DDR1: variants seen among roughly 807,000 people sequenced by gnomAD.
DDR1 encodes the protein epithelial discoidin domain-containing receptor 1.
DDR1 carries 64 observed loss-of-function variants against 97.4 expected under a neutral mutation model. The observed-to-expected ratio is 0.66, with a 90% CI of 0.54 to 0.81. The LOEUF (loss-of-function observed/expected upper bound fraction) is 0.81, where lower values mean the gene tolerates loss of function less well. DDR1 is among the 30% of genes least tolerant of loss of function. The pLI is 0.00. For missense variants in DDR1, 990 were observed against 1,259.6 expected (o/e 0.79, Z 3.24); for synonymous variants, 458 against 503.7 (o/e 0.91, Z 1.21).
At position 30,897,484 on chromosome 6, in the gene DDR1, T is replaced by C; in HGVS notation, c.2103T>C (p.Thr701=). 6.2e-7 allele frequency: 1 copy of C among 1,614,132 alleles called. No individual in the cohort carries two copies. ...AGGACGACCCCCTCTGCATGATTAC[T>C]GACTACATGGAGAACGGCGACCTCA... is the stretch of plus-strand genomic sequence containing the variant. The part of the protein sequence containing the change: ...CVQDDPLCMI[T]DYMENGDLNQ... The change falls in exon 15 of 18, where the codon ACT becomes ACC. Residue 701 remains threonine, a synonymous_variant. Transcript: ENST00000376568. The surrounding 1 kb of genome is among the most constrained non-coding windows in gnomAD (Gnocchi z 5.2).
rs1787754837 is a variant in DDR1 at position 30,890,675 on chromosome 6, C to T, written c.418-298C>T. ...CAGGGCTGTGAGGATTGGGGAGAAT[C>T]TGGGCACAATGGGATGATAGGCTTG... is the stretch of plus-strand genomic sequence containing the variant. On this transcript the variant is annotated intron_variant, in intron 4 of 17. Coordinates refer to ENST00000376568, the MANE Select transcript of DDR1 (RefSeq NM_001297654.2). This position sits in a 1 kb window ranked among gnomAD's most constrained non-coding sequence, Gnocchi z 5.0. 1 of 384,296 alleles carries T rather than the reference C, an allele frequency of 2.6e-6. No individual in the cohort carries two copies. Among genetic ancestry groups the T allele is most frequent in the Non-Finnish European group, 4.6e-6 (1 of 217,716 alleles). The allele number at this position is 384,296 out of a possible 1,614,324, so 23.8% of individuals were successfully genotyped here.
chr6:30,895,607 A>C (rs572186434), intron 12 of DDR1, 93 bp downstream of exon 12: 1 of 772,680 alleles, frequency 1.3e-6, no homozygotes, highest in Non-Finnish European at 2.1e-6. Context: ...TCCTCTCCCC[A>C]CTGTGGCCTA....
Position 30,897,174 on chromosome 6 carries a change from A to T in DDR1, c.1997+33A>T, listed in dbSNP as rs761563684. ...CCAGGGATGGCATCTGGAAGAAGGG[A>T]GGGGAGGCCGTGAAGAGTGGGGAGC... On this transcript the variant is annotated intron_variant, in intron 14 of 17. Coordinates refer to ENST00000376568, the MANE Select transcript of DDR1 (RefSeq NM_001297654.2). This position sits in a 1 kb window ranked among gnomAD's most constrained non-coding sequence, Gnocchi z 5.2. The T allele has an allele frequency of 1.9e-6, 3 of 1,610,180 alleles. No individual in the cohort carries two copies. In the South Asian group the frequency reaches 3.3e-5, roughly 18 times the overall value.
chr6:30,899,932 G>A lies in DDR1; in HGVS notation c.*636G>A, dbSNP rs1425443335. ...AACTTCTCTAAGCCTATACGTTTCT[G>A]TGGAGTAAATATTGGGATTGGGGGG... is the stretch of plus-strand genomic sequence containing the variant. On this transcript the variant is annotated 3_prime_UTR_variant, in exon 18 of 18. Coordinates refer to ENST00000376568, the MANE Select transcript of DDR1 (RefSeq NM_001297654.2). The A allele has an allele frequency of 7.4e-6, 4 of 538,032 alleles. No homozygotes were observed. The highest frequency in any genetic ancestry group is 1.4e-5 in the Non-Finnish European group (4 of 279,714). The allele number at this position is 538,032 out of a possible 1,614,324, so 33.3% of individuals were successfully genotyped here. A position where few individuals can be genotyped will look rare whatever the true frequency, so the allele number is the denominator to read the frequency against.
In DDR1 at chr6:30,895,494, C is replaced by T; in HGVS notation, c.1604C>T (p.Ala535Val). The T allele has an allele frequency of 6.3e-7, 1 of 1,599,760 alleles. No individual in the cohort carries two copies. Reference sequence around the variant, plus strand: ...CCGGGCCCCCCCACACCCGCCTGGGCCAAACCCACCAACACCCAGGGTAAG... The same window carrying T: ...CCGGGCCCCCCCACACCCGCCTGGGTCAAACCCACCAACACCCAGGGTAAG... ...RGPGPPTPAW[A>V]KPTNTQAYSG... Residue 535 changes from alanine to valine, a missense_variant, in exon 12 of 18, where the codon GCC becomes GTC. Physicochemically the swap from Ala to Val is moderately conservative, Grantham distance 64. Transcript: ENST00000376568.
chr6:30,884,780 C>G lies in DDR1; in HGVS notation c.-43+70C>G, dbSNP rs967217116. 1 of 172,890 alleles carries G rather than the reference C, an allele frequency of 5.8e-6. No individual in the cohort carries two copies. The highest frequency in any genetic ancestry group is 1.2e-5 in the Non-Finnish European group (1 of 81,964). The allele number at this position is 172,890 out of a possible 1,614,324, so 10.7% of individuals were successfully genotyped here. ...CTTGGGGTGGGGGCGCGCGGCGGCG[C>G]CTGCAGGGCGAGGGGCGGGGGAGGC... is the stretch of plus-strand genomic sequence containing the variant. On this transcript the variant is annotated intron_variant, in intron 1 of 17. Coordinates refer to ENST00000376568, the MANE Select transcript of DDR1 (RefSeq NM_001297654.2). This position sits in a 1 kb window ranked among gnomAD's most constrained non-coding sequence, Gnocchi z 6.1.
chr6:30,893,363 C>G lies in DDR1; in HGVS notation c.1287C>G (p.Leu429=), dbSNP rs1789364615. The G allele has an allele frequency of 1.2e-6, 2 of 1,608,148 alleles. No homozygotes were observed. Among genetic ancestry groups the G allele is most frequent in the Non-Finnish European group, 1.7e-6 (2 of 1,179,852 alleles). The change falls in exon 10 of 18, where the codon CTC becomes CTG. Residue 429 remains leucine, a synonymous_variant. Coordinates refer to ENST00000376568, the MANE Select transcript of DDR1 (RefSeq NM_001297654.2). ...LIGCLVAIIL[L]LLLIIALMLW... ...GCTGCCTGGTGGCCATCATCCTGCTCCTGCTGCTCATCATTGCCCTCATGC... is the reference window on the plus strand; with the variant it reads ...GCTGCCTGGTGGCCATCATCCTGCTGCTGCTGCTCATCATTGCCCTCATGC...
chr6:30,882,591 C>G (rs1784474817), upstream of DDR1: 1 of 152,362 alleles, frequency 6.6e-6, no homozygotes, highest in Admixed American at 6.5e-5. This position sits in a 1 kb window ranked among gnomAD's most constrained non-coding sequence, Gnocchi z 4.8. Context: ...GGGCCCCAGC[C>G]TTGCATCCCT....
At position 30,888,344 on chromosome 6, in the gene DDR1, C is replaced by A; in HGVS notation, c.-42-344C>A. ...TGCACACTTGTTGTTTGTTCTAAGC[C>A]GTTGTTTATGGGGATATTTTGCCCA... On this transcript the variant is annotated intron_variant, in intron 1 of 17. Transcript: ENST00000376568. This position sits in a 1 kb window ranked among gnomAD's most constrained non-coding sequence, Gnocchi z 4.2. The A allele has an allele frequency of 3.9e-6, 1 of 259,400 alleles. No homozygotes were observed. Among genetic ancestry groups the A allele is most frequent in the South Asian group, 9.8e-5 (1 of 10,242 alleles). The allele number at this position is 259,400 out of a possible 1,614,324, so 16.1% of individuals were successfully genotyped here. A position where few individuals can be genotyped will look rare whatever the true frequency, so the allele number is the denominator to read the frequency against.
At chr6:30,887,629 A>G (rs1482678260) in intron 1 of DDR1, among the ~76,000 whole-genome samples, 1 of 152,262 alleles carries the variant, frequency 6.6e-6, no homozygotes, top group Non-Finnish European at 1.5e-5. Context: ...GTTACTTTTC[A>G]TAGCTGCATA....
Position 30,888,783 on chromosome 6 carries a change from A to AGAT in DDR1, c.56_58dup (p.Asp19dup). On this transcript the variant is annotated inframe_insertion, in exon 2 of 18. Coordinates refer to ENST00000376568, the MANE Select transcript of DDR1 (RefSeq NM_001297654.2). The surrounding 1 kb of genome is among the most constrained non-coding windows in gnomAD (Gnocchi z 4.2). Reference sequence around the variant, plus strand: ...TGCTGCTGCTCTTGGTGGCAAGTGGAGATGCTGACATGAAGGGACATTTTG... The same window carrying AGAT: ...TGCTGCTGCTCTTGGTGGCAAGTGGAGATGATGCTGACATGAAGGGACATTTTG... 1.2e-6 allele frequency: 2 copies of AGAT among 1,612,940 alleles called. No individual in the cohort carries two copies. Among genetic ancestry groups the AGAT allele is most frequent in the Non-Finnish European group, 1.7e-6 (2 of 1,180,002 alleles).
Position 30,899,518 on chromosome 6 carries a change from A to G in DDR1, c.*222A>G, listed in dbSNP as rs1040927350. On this transcript the variant is annotated 3_prime_UTR_variant, in exon 18 of 18. Coordinates refer to ENST00000376568, the MANE Select transcript of DDR1 (RefSeq NM_001297654.2). ...TGTCCCCTTCCTGTTCTTCCTTCCT[A>G]GAAGCCCCTGTCGCCCACCCAGCTG... 9 of 596,268 alleles carry G rather than the reference A, an allele frequency of 1.5e-5. No homozygotes were observed. Among genetic ancestry groups the G allele is most frequent in the Non-Finnish European group, 2.3e-5 (8 of 349,010 alleles). The allele number at this position is 596,268 out of a possible 1,614,324, so 36.9% of individuals were successfully genotyped here.
In DDR1 at chr6:30,888,998, C is replaced by T. The variant is rs2150292122; in HGVS notation, c.176C>T (p.Ala59Val). ...AGCTCCTGGTCAGATTCCACTGCCG[C>T]CCGCCACAGCAGGTACTTGGCACAC... The part of the protein sequence containing the change: ...ASSSWSDSTA[A>V]RHSRLESSDG... Residue 59 changes from alanine (A) to valine (V), a missense_variant, in exon 3 of 18, where the codon GCC becomes GTC. Transcript: ENST00000376568. This position sits in a 1 kb window ranked among gnomAD's most constrained non-coding sequence, Gnocchi z 4.2. The T allele has an allele frequency of 6.2e-7, 1 of 1,613,018 alleles. No individual in the cohort carries two copies. Among genetic ancestry groups the T allele is most frequent in the Non-Finnish European group, 8.5e-7 (1 of 1,180,012 alleles).
chr6:30,891,213 G>T lies in DDR1; in HGVS notation c.565+93G>T. 6.5e-7 allele frequency: 1 copy of T among 1,550,292 alleles called. No individual in the cohort carries two copies. The highest frequency in any genetic ancestry group is 8.8e-7 in the Non-Finnish European group (1 of 1,139,226). ...ATGGGCATCCAGGATCCCTTCTCCTGCTGGGAAGCTGTCACTCTGAGGAGG... is the reference window on the plus strand; with the variant it reads ...ATGGGCATCCAGGATCCCTTCTCCTTCTGGGAAGCTGTCACTCTGAGGAGG... On this transcript the variant is annotated intron_variant, in intron 5 of 17. Coordinates refer to ENST00000376568, the MANE Select transcript of DDR1 (RefSeq NM_001297654.2). This position sits in a 1 kb window ranked among gnomAD's most constrained non-coding sequence, Gnocchi z 5.3.
In DDR1 at chr6:30,886,969, T is replaced by C. The variant is rs983855924; in HGVS notation, c.-42-1719T>C. 6 of 152,228 alleles carry C rather than the reference T, an allele frequency of 3.9e-5. No homozygotes were observed. Among genetic ancestry groups the C allele is most frequent in the African/African-American group, 1.4e-4 (6 of 41,452 alleles). The allele number at this position is 152,228 out of a possible 1,614,324, so 9.4% of individuals were successfully genotyped here. On this transcript the variant is annotated intron_variant, in intron 1 of 17. Coordinates refer to ENST00000376568, the MANE Select transcript of DDR1 (RefSeq NM_001297654.2). This position sits in a 1 kb window ranked among gnomAD's most constrained non-coding sequence, Gnocchi z 4.6. The stretch of plus-strand genomic sequence containing the variant: ...CAGAGTAGGGATTTTCAAACTTTAA[T>C]GGGCACAGGTCACCTGGGAATTGTG...
chr6:30,893,913 C>T lies in DDR1; in HGVS notation c.1347+490C>T, dbSNP rs1341418692. ...GCAAAGGGAAGACGTCTGGCACACC[C>T]CAAGCCACGTCTTCCGGCTGGAGTC... On this transcript the variant is annotated intron_variant, in intron 10 of 17. Transcript: ENST00000376568. Among the ~76,000 whole-genome samples the T allele has an allele frequency of 2.0e-5, 3 of 152,160 alleles. 1 individual carries two copies. Among genetic ancestry groups the T allele is most frequent in the Admixed American group, 1.3e-4 (2 of 15,274 alleles).
In DDR1 at chr6:30,888,662, C is replaced by T. The variant is rs1018537291; in HGVS notation, c.-42-26C>T. ...ATGACTCAGTCCCCTGATTAACTTA[C>T]GCACCACCCATTTTATCCCCTGCAG... On this transcript the variant is annotated intron_variant, in intron 1 of 17. Coordinates refer to ENST00000376568, the MANE Select transcript of DDR1 (RefSeq NM_001297654.2). The surrounding 1 kb of genome is among the most constrained non-coding windows in gnomAD (Gnocchi z 4.2). The T allele has an allele frequency of 1.0e-5, 16 of 1,593,600 alleles. No homozygotes were observed. The highest frequency in any genetic ancestry group is 9.4e-5 in the African/African-American group (7 of 74,636).
chr6:30,895,504 C>T lies in DDR1; in HGVS notation c.1614C>T (p.Thr538=). Residue 538 remains threonine (T), a synonymous_variant, in exon 12 of 18, where the codon ACC becomes ACT. Coordinates refer to ENST00000376568, the MANE Select transcript of DDR1 (RefSeq NM_001297654.2). ...GPPTPAWAKP[T]NTQAYSGDYM... The stretch of plus-strand genomic sequence containing the variant: ...CCACACCCGCCTGGGCCAAACCCAC[C>T]AACACCCAGGGTAAGCCCCTCTGCC... 1 of 1,595,402 alleles carries T rather than the reference C, an allele frequency of 6.3e-7. No homozygotes were observed. Among genetic ancestry groups the T allele is most frequent in the Non-Finnish European group, 8.5e-7 (1 of 1,173,776 alleles).
chr6:30,899,968 C>G lies in DDR1; in HGVS notation c.*672C>G, dbSNP rs867265423. The G allele has an allele frequency of 5.3e-6, 3 of 569,058 alleles. No individual in the cohort carries two copies. The highest frequency in any genetic ancestry group is 1.0e-5 in the Non-Finnish European group (3 of 293,758). 35.3% of individuals were successfully genotyped at this position (569,058 alleles called of 1,614,324 possible). A position where few individuals can be genotyped will look rare whatever the true frequency, so the allele number is the denominator to read the frequency against. Reference sequence around the variant, plus strand: ...ATTGGGATTGGGGGGAAAGAGGGAGCAACGGCCCATAGCCTTGGGGTTGGA... The same window carrying G: ...ATTGGGATTGGGGGGAAAGAGGGAGGAACGGCCCATAGCCTTGGGGTTGGA... On this transcript the variant is annotated 3_prime_UTR_variant, in exon 18 of 18. Coordinates refer to ENST00000376568, the MANE Select transcript of DDR1 (RefSeq NM_001297654.2).
Sources: allele counts gnomAD v4.1 joint callset (sites outside exome capture counted in the v4.1 genomes callset), GRCh38; gene constraint gnomAD v4.1.1; non-coding constraint Gnocchi (gnomAD v3.1); transcripts MANE v1.5; gene names NCBI Gene and HGNC (gene_info 2026-07-23, HGNC 2026-07-21).